The following PADI1 variants were observed in gnomAD, a reference collection of about 807,000 sequenced individuals.
The protein encoded by PADI1 is protein-arginine deiminase type-1.
Under a neutral mutation model 74.8 loss-of-function variants are expected in PADI1, and 65 were observed. The observed-to-expected ratio is 0.87, with a 90% CI of 0.71 to 1.07. PADI1 has a LOEUF of 1.07. Among genes scored for constraint, PADI1 ranks in the 50% least tolerant of loss-of-function variants. The pLI is 0.00. For missense variants in PADI1, 943 were observed against 854.0 expected, an observed-to-expected ratio of 1.10 and a Z score of -1.30; for synonymous variants, 371 against 336.2, an observed-to-expected ratio of 1.10 and a Z score of -1.13.
intron 1 of PADI1, 29 bp from the exon 2 acceptor site, chr1:17,222,261 G>T (rs764357349): frequency 6.4e-7 from 1 of 1,567,188 alleles, no homozygotes; most frequent in African/African-American, 1.4e-5. Flanking sequence ...GGGAAGACTG[G>T]TTCTCTTCCC....
chr1:17,220,941 G>C (rs962054265), intron 1 of PADI1, among the ~76,000 whole-genome samples: 15 of 152,346 alleles, frequency 9.8e-5, no homozygotes, highest in African/African-American at 3.6e-4. Flanking sequence ...GGCCAGGAAG[G>C]CTGGCCCCAA....
intron 1 of PADI1, among the ~76,000 whole-genome samples, chr1:17,209,716 A>G (rs936627807): frequency 1.3e-4 from 20 of 151,400 alleles, no homozygotes; most frequent in African/African-American, 4.6e-4. Context: ...CATCCCTTTT[A>G]CTTCCAGCTG....
At chr1:17,215,399 A>G (rs532238841) in intron 1 of PADI1, among the ~76,000 whole-genome samples, 80 of 151,338 alleles carry the variant, frequency 5.3e-4, no homozygotes, top group African/African-American at 1.9e-3. Context: ...CATCATCGTC[A>G]TCATCATCAT....
chr1:17,240,847 G>C (rs1397640216), intron 15 of PADI1, 87 bp downstream of exon 15: 5 of 1,456,340 alleles, frequency 3.4e-6, no homozygotes, highest in Non-Finnish European at 4.7e-6. Context: ...CTGGTGCAGA[G>C]GCTGGAGGGC....
At chr1:17,242,767 C>A (rs2100536198) in intron 15 of PADI1, among the ~76,000 whole-genome samples, 1 of 152,308 alleles carries the variant, frequency 6.6e-6, no homozygotes, top group South Asian at 2.1e-4. Flanking sequence ...GGAGTTGGGA[C>A]CAGCCCCCAA....
At position 17,210,529 on chromosome 1, in the gene PADI1, C is replaced by A. The variant is rs1286263348; in HGVS notation, c.92+5220C>A. 2.6e-5 allele frequency among the ~76,000 whole-genome samples: 4 copies of A among 152,054 alleles called. No homozygotes were observed. The East Asian group carries it at 5.8e-4, about 22-fold the overall frequency. ...TCTCCAGCCTCCATTCCTGGCTGGG[C>A]AGAGCTCCACTTGGGAGAAAGCTGG... On this transcript the variant is annotated intron_variant, in intron 1 of 15. Coordinates refer to ENST00000375471, the MANE Select transcript of PADI1 (RefSeq NM_013358.3).
chr1:17,228,986 C>A lies in PADI1; in HGVS notation c.864C>A (p.Gly288=). 6.3e-7 allele frequency: 1 copy of A among 1,598,698 alleles called. No homozygotes were observed. Among genetic ancestry groups the A allele is most frequent in the African/African-American group, 1.3e-5 (1 of 74,782 alleles). Residue 288 remains glycine, a synonymous_variant, in exon 8 of 16, where the codon GGC becomes GGA. Coordinates refer to ENST00000375471, the MANE Select transcript of PADI1 (RefSeq NM_013358.3). ...TGACCCTCTTCACAGACACTGTGGG[C>A]TTCCGCATGGCCCCCTGGATCATGA... is the stretch of plus-strand genomic sequence containing the variant. The part of the protein sequence containing the change: ...PEVTLFTDTV[G]FRMAPWIMTP...
intron 1 of PADI1, among the ~76,000 whole-genome samples, chr1:17,210,369 G>A (rs886678219): frequency 1.2e-4 from 18 of 151,882 alleles, no homozygotes; most frequent in African/African-American, 3.6e-4. Flanking sequence ...CACAGAATGC[G>A]GACATGCTTT....
chr1:17,236,292 G>C (rs1180099661), intron 11 of PADI1, among the ~76,000 whole-genome samples: 1 of 152,142 alleles, frequency 6.6e-6, no homozygotes, highest in Admixed American at 6.5e-5. Flanking sequence ...AATTTTCTGG[G>C]ACTCAACTCC....
intron 1 of PADI1, among the ~76,000 whole-genome samples, chr1:17,215,658 A>G (rs1335250769): frequency 1.3e-5 from 2 of 152,096 alleles, no homozygotes; most frequent in Admixed American, 6.5e-5. Flanking sequence ...ACTGGATTCA[A>G]TCATGACTCA....
chr1:17,238,220 TAAGTA>T (rs1019988067), intron 12 of PADI1, among the ~76,000 whole-genome samples: 13 of 152,314 alleles, frequency 8.5e-5, no homozygotes, highest in African/African-American at 2.9e-4. Flanking sequence ...TTTTGTATTT[TAAGTA>T]GAGACAGGGT....
At chr1:17,219,098 G>A (rs1191263375) in intron 1 of PADI1, among the ~76,000 whole-genome samples, 1 of 152,218 alleles carries the variant, frequency 6.6e-6, no homozygotes, top group East Asian at 1.9e-4. Context: ...GAGTCCAAGT[G>A]AACCATGGTC....
chr1:17,236,490 C>T (rs2072644234), intron 11 of PADI1, among the ~76,000 whole-genome samples: 1 of 152,228 alleles, frequency 6.6e-6, no homozygotes, highest in Admixed American at 6.5e-5. Context: ...CACAGTGGCC[C>T]TCACTTGTAG....
At position 17,237,373 on chromosome 1, in the gene PADI1, A is replaced by G; in HGVS notation, c.1373A>G (p.Gln458Arg). The change falls in exon 12 of 16, where the codon CAG becomes CGG. Residue 458 changes from glutamine (Q) to arginine (R), a missense_variant. Gln to Arg is a conservative substitution (Grantham distance 43, BLOSUM62 1). Transcript: ENST00000375471. ...AACTTCCTGAAGGCACAGCAGGTGC[A>G]GGCACCCGTGGAGCTCTACTCGGAC... ...VRNFLKAQQV[Q>R]APVELYSDWL... The G allele has an allele frequency of 6.2e-7, 1 of 1,613,350 alleles. No individual in the cohort carries two copies. Among genetic ancestry groups the G allele is most frequent in the Non-Finnish European group, 8.5e-7 (1 of 1,179,568 alleles).
chr1:17,222,908 G>A (rs1399906812), intron 2 of PADI1, among the ~76,000 whole-genome samples: 3 of 151,976 alleles, frequency 2.0e-5, no homozygotes, highest in Admixed American at 6.6e-5. Flanking sequence ...CTCTCTCATC[G>A]CCTGCCCGAA....
At position 17,222,362 on chromosome 1, in the gene PADI1, C is replaced by A. The variant is rs754096985; in HGVS notation, c.165C>A (p.Asn55Lys). The A allele has an allele frequency of 6.2e-7, 1 of 1,614,046 alleles. No homozygotes were observed. The stretch of plus-strand genomic sequence containing the variant: ...GGGTGGAGGTCTTCATGGTCTACAA[C>A]CGCACACGTGTGAAAGAGCCCATAG... ...SSGVEVFMVY[N>K]RTRVKEPIGK... The change falls in exon 2 of 16, where the codon AAC becomes AAA. Residue 55 changes from asparagine (N) to lysine (K), a missense_variant. Asn to Lys is a moderately conservative substitution (Grantham distance 94). Transcript: ENST00000375471.
chr1:17,209,025 G>C (rs1190496315), intron 1 of PADI1, among the ~76,000 whole-genome samples: 1 of 152,224 alleles, frequency 6.6e-6, no homozygotes, highest in Non-Finnish European at 1.5e-5. Flanking sequence ...GGGGCATAGG[G>C]AGAAGGGACT....
chr1:17,219,137 G>A (rs2072062289), intron 1 of PADI1, among the ~76,000 whole-genome samples: 1 of 152,166 alleles, frequency 6.6e-6, no homozygotes, highest in Non-Finnish European at 1.5e-5. Flanking sequence ...CAGAGGGGGT[G>A]GAGAGTTGGA....
At chr1:17,223,839 C>T (rs1020676931) in intron 3 of PADI1, 146 bp downstream of exon 3, 9 of 682,490 alleles carry the variant, frequency 1.3e-5, no homozygotes, top group African/African-American at 1.2e-4. Flanking sequence ...GACCTTCTGT[C>T]CACTCTGGAA....
Sources: allele counts gnomAD v4.1 joint callset (sites outside exome capture counted in the v4.1 genomes callset), GRCh38; gene constraint gnomAD v4.1.1; transcripts MANE v1.5; gene names NCBI Gene and HGNC (gene_info 2026-07-23, HGNC 2026-07-21).